PTPRG: variants seen among roughly 807,000 people sequenced by gnomAD.
PTPRG encodes the protein protein tyrosine phosphatase receptor type G, also known as receptor-type tyrosine-protein phosphatase gamma.
Under a neutral mutation model 165.3 loss-of-function variants are expected in PTPRG, and 102 were observed. The observed-to-expected ratio is 0.62, with a 90% CI of 0.53 to 0.73. The LOEUF (loss-of-function observed/expected upper bound fraction) is 0.73, where lower values mean the gene tolerates loss of function less well. Ranked by LOEUF, PTPRG falls within the 30% of genes least tolerant of loss-of-function variation. The probability of loss-of-function intolerance (pLI) is 0.00; values close to 1 mark genes in which losing one functional copy is unlikely to be tolerated. For missense variants in PTPRG, 1,866 were observed against 1,861.4 expected (o/e 1.00, Z -0.05); for synonymous variants, 675 against 669.5 (o/e 1.01, Z -0.13).
At chr3:61,755,025 C>G (rs55763395) in intron 2 of PTPRG, among the ~76,000 whole-genome samples, 1 of 151,644 alleles carries the variant, frequency 6.6e-6, no homozygotes, top group Non-Finnish European at 1.5e-5. Flanking sequence ...GGAGTCTTAC[C>G]CTGTTGCCCA....
intron 2 of PTPRG, among the ~76,000 whole-genome samples, chr3:61,926,921 GA>G (rs1044513505): frequency 0.011 from 1,691 of 149,866 alleles, 23 homozygotes; most frequent in African/African-American, 0.037. Flanking sequence ...TCGGGGGGAA[GA>G]AAAAAAAAAT....
At chr3:61,944,695 T>A (rs763773049) in intron 2 of PTPRG, among the ~76,000 whole-genome samples, 28 of 152,218 alleles carry the variant, frequency 1.8e-4, no homozygotes, top group Non-Finnish European at 3.8e-4. Context: ...GAAAAAAAAA[T>A]TTTCTTTTTC....
intron 1 of PTPRG, among the ~76,000 whole-genome samples, chr3:61,604,828 T>A (rs1700958229): frequency 6.6e-6 from 1 of 152,138 alleles, no homozygotes; most frequent in East Asian, 1.9e-4. Context: ...AGTATCTGTT[T>A]TTCAATAAAA....
intron 2 of PTPRG, among the ~76,000 whole-genome samples, chr3:61,921,175 C>T (rs936219526): frequency 2.7e-5 from 4 of 150,742 alleles, no homozygotes; most frequent in African/African-American, 7.4e-5. Context: ...TACCTATCTA[C>T]AGCTTAGGGA....
rs116393919 is a variant in PTPRG, at chr3:61,986,195, C to G, written c.191-3430C>G. 9.0e-3 allele frequency among the ~76,000 whole-genome samples: 1,353 copies of G among 150,958 alleles called. 18 individuals carry two copies. The highest frequency in any genetic ancestry group is 0.031 in the African/African-American group (1,254 of 40,316). ...CTCTTTAATGTCTTCTTTCAGTTCT[C>G]TCTTCTTTCAATTCATTCATTTGTA... On this transcript the variant is annotated intron_variant, in intron 2 of 29. Coordinates refer to ENST00000474889, the MANE Select transcript of PTPRG (RefSeq NM_002841.4).
At chr3:61,823,619 A>C (rs1459824767) in intron 2 of PTPRG, among the ~76,000 whole-genome samples, 1 of 152,244 alleles carries the variant, frequency 6.6e-6, no homozygotes, top group African/African-American at 2.4e-5. Context: ...AAAGTGATGA[A>C]AAACTTAAAG....
At chr3:62,175,563 AT>A (rs1302905990) in intron 8 of PTPRG, among the ~76,000 whole-genome samples, 2 of 152,216 alleles carry the variant, frequency 1.3e-5, no homozygotes, top group East Asian at 3.8e-4. Context: ...CTCTGCCAGG[AT>A]TTGCTTTTCA....
intron 1 of PTPRG, among the ~76,000 whole-genome samples, chr3:61,649,227 C>A (rs1457660908): frequency 6.6e-6 from 1 of 151,500 alleles, no homozygotes; most frequent in African/African-American, 2.4e-5. Flanking sequence ...ACAGTATTGC[C>A]TAGGCTGGTC....
intron 1 of PTPRG, among the ~76,000 whole-genome samples, chr3:61,652,341 T>C (rs1237823373): frequency 6.6e-6 from 1 of 152,156 alleles, no homozygotes; most frequent in Non-Finnish European, 1.5e-5. Flanking sequence ...AAGAATCAAA[T>C]AAATAGTGCT....
intron 3 of PTPRG, among the ~76,000 whole-genome samples, chr3:62,001,418 C>T (rs1015336767): frequency 6.6e-6 from 1 of 152,204 alleles, no homozygotes; most frequent in Middle Eastern, 3.4e-3. Flanking sequence ...GTAACAGATG[C>T]AATCAAAACG....
At chr3:61,584,432 T>TG (rs1269133601) in intron 1 of PTPRG, among the ~76,000 whole-genome samples, 1 of 152,206 alleles carries the variant, frequency 6.6e-6, no homozygotes, top group Non-Finnish European at 1.5e-5. Flanking sequence ...TATCGTATCT[T>TG]GTCCCTCGCT....
intron 12 of PTPRG, among the ~76,000 whole-genome samples, chr3:62,218,136 G>T (rs1700556669): frequency 6.6e-6 from 1 of 152,170 alleles, no homozygotes; most frequent in African/African-American, 2.4e-5. Flanking sequence ...GCACCTAGGT[G>T]CTCCTGCTGG....
intron 2 of PTPRG, among the ~76,000 whole-genome samples, chr3:61,926,202 G>A (rs1239301968): frequency 6.6e-6 from 1 of 152,070 alleles, no homozygotes; most frequent in Non-Finnish European, 1.5e-5. Flanking sequence ...GATATGGTTC[G>A]GATCTGTGTC....
intron 5 of PTPRG, among the ~76,000 whole-genome samples, chr3:62,085,236 A>G (rs971436): frequency 0.33 from 49,830 of 152,090 alleles, 10,279 homozygotes; most frequent in African/African-American, 0.59. Flanking sequence ...TGAAAAGCAT[A>G]TATCTAGATG....
At chr3:62,281,419 GT>G (rs1702432245) in intron 26 of PTPRG, 143 bp from the exon 27 acceptor site, 1 of 657,926 alleles carries the variant, frequency 1.5e-6, no homozygotes, top group African/African-American at 1.9e-5. Context: ...ACTTGGTGTA[GT>G]TCGATGGGAA....
At chr3:62,000,426 C>G (rs2041145654) in intron 3 of PTPRG, among the ~76,000 whole-genome samples, 1 of 152,098 alleles carries the variant, frequency 6.6e-6, no homozygotes, top group South Asian at 2.1e-4. Context: ...CGGTGCAGAC[C>G]TAGGCAACAG....
intron 1 of PTPRG, among the ~76,000 whole-genome samples, chr3:61,624,557 C>T (rs1326160745): frequency 6.6e-6 from 1 of 152,184 alleles, no homozygotes; most frequent in Non-Finnish European, 1.5e-5. Flanking sequence ...ACATGGCTAT[C>T]TTTGGGGTGC....
rs150212631 is a variant in PTPRG, at chr3:62,271,519, G to A, written c.3146G>A (p.Arg1049Gln). 3.8e-5 allele frequency: 61 copies of A among 1,613,660 alleles called. No individual in the cohort carries two copies. Among genetic ancestry groups the A allele is most frequent in the African/African-American group, 1.1e-4 (8 of 74,884 alleles). The stretch of plus-strand genomic sequence containing the variant: ...TTCGTGAGGAGATCCTCAGCAGCTC[G>A]GATGCCAGAAACGGGCCCTGTGTTG... ...LTFVRRSSAARMPETGPVLVH... is the reference protein window; with the variant it reads ...LTFVRRSSAAQMPETGPVLVH... Residue 1049 changes from arginine to glutamine, a missense_variant, in exon 21 of 30, where the codon CGG (arginine) becomes CAG (glutamine). Around this residue, in one of 3 missense-constraint regions of PTPRG, gnomAD observed 1,452 missense variants for 1,463.0 expected, o/e 0.99. Coordinates refer to ENST00000474889, the MANE Select transcript of PTPRG (RefSeq NM_002841.4). The surrounding 1 kb of genome is among the most constrained non-coding windows in gnomAD (Gnocchi z 4.1).
rs11426161 is a variant in PTPRG at position 61,677,244 on chromosome 3, CA to C, written c.86-71614del. Reference sequence around the variant, plus strand: ...TGGGTGACAGAGCGAGACTCCGTCTCAAAAAAAAAAAAAAAAAAAAGAATCA... The same window carrying C: ...TGGGTGACAGAGCGAGACTCCGTCTCAAAAAAAAAAAAAAAAAAAGAATCA... On this transcript the variant is annotated intron_variant, in intron 1 of 29. Transcript: ENST00000474889. Among the ~76,000 whole-genome samples, 213 of 71,562 alleles carry C rather than the reference CA, an allele frequency of 3.0e-3. 1 individual carries two copies. Among genetic ancestry groups the C allele is most frequent in the South Asian group, 8.4e-3 (16 of 1,914 alleles). The allele number at this position is 71,562 out of a possible 152,430, so 46.9% of individuals were successfully genotyped here. A position where few individuals can be genotyped will look rare whatever the true frequency, so the allele number is the denominator to read the frequency against.
Sources: gnomAD v4.1 joint callset for allele counts (sites outside exome capture counted in the v4.1 genomes callset) on GRCh38, gnomAD v4.1.1 for gene constraint, gnomAD v4.1.1 regional missense constraint, Gnocchi (gnomAD v3.1) non-coding constraint, MANE v1.5 for transcripts, NCBI Gene and HGNC (gene_info 2026-07-23, HGNC 2026-07-21) for gene names.